The following LOC128125822 variants were observed in gnomAD, a reference collection of about 807,000 sequenced individuals.
the LOC128125822 span, among the ~76,000 whole-genome samples, chr6:63,575,792 C>T: frequency 1.3e-5 from 2 of 151,958 alleles, no homozygotes; most frequent in Middle Eastern, 3.2e-3. Context: ...TCATTTTCCT[C>T]GTCTTCAGTT....
the LOC128125822 span, chr6:63,579,178 G>C: frequency 6.8e-7 from 1 of 1,461,566 alleles, no homozygotes; most frequent in Non-Finnish European, 9.4e-7. Context: ...ATACTTCTGA[G>C]TTGGGGAATG....
chr6:63,578,661 G>A, the LOC128125822 span: 2 of 1,321,720 alleles, frequency 1.5e-6, no homozygotes, highest in African/African-American at 3.1e-5. Context: ...TTATATTATT[G>A]TGCAGAATCT....
chr6:63,573,945 C>T, the LOC128125822 span, among the ~76,000 whole-genome samples: 3 of 152,124 alleles, frequency 2.0e-5, no homozygotes, highest in Non-Finnish European at 4.4e-5. Context: ...TTGTTGCCTC[C>T]TGTTGGTTTG....
At chr6:63,573,022 G>T in the LOC128125822 span, among the ~76,000 whole-genome samples, 77 of 152,010 alleles carry the variant, frequency 5.1e-4, no homozygotes, top group African/African-American at 1.7e-3. Context: ...CTTCTGCGGC[G>T]GCCGGGGGCA....
chr6:63,572,548 C>A, the LOC128125822 span: 1 of 397,994 alleles, frequency 2.5e-6, no homozygotes. Context: ...CCGAGCCGCT[C>A]ACTGCATGGT....
At chr6:63,578,262 A>T in the LOC128125822 span, among the ~76,000 whole-genome samples, 4 of 152,220 alleles carry the variant, frequency 2.6e-5, no homozygotes, top group Non-Finnish European at 4.4e-5. Context: ...ATATTCTAGC[A>T]TTGTCACTTA....
the LOC128125822 span, chr6:63,579,948 T>A: frequency 1.3e-6 from 1 of 767,802 alleles, no homozygotes; most frequent in Non-Finnish European, 2.2e-6. Flanking sequence ...ACAGCCTAAT[T>A]AATCAAAAGA....
At chr6:63,580,240 G>A in the LOC128125822 span, 1 of 1,281,488 alleles carries the variant, frequency 7.8e-7, no homozygotes. Flanking sequence ...ATACATATTA[G>A]CCAACATGTT....
chr6:63,577,224 A>ACC, the LOC128125822 span, among the ~76,000 whole-genome samples: 30 of 152,362 alleles, frequency 2.0e-4, no homozygotes, highest in African/African-American at 7.0e-4. Flanking sequence ...TGTGGACAGT[A>ACC]AAACAGTATA....
chr6:63,579,171 C>T, the LOC128125822 span: 2 of 1,437,444 alleles, frequency 1.4e-6, no homozygotes, highest in Non-Finnish European at 1.9e-6. Context: ...GTAGATAATA[C>T]TTCTGAGTTG....
At chr6:63,581,916 C>T in the LOC128125822 span, 2 of 152,228 alleles carry the variant, frequency 1.3e-5, no homozygotes, top group African/African-American at 2.4e-5. Flanking sequence ...CCTTTGATCA[C>T]GTTAATCTAA....
chr6:63,579,466 T>A, the LOC128125822 span: 1 of 584,244 alleles, frequency 1.7e-6, no homozygotes, highest in Non-Finnish European at 2.7e-6. Flanking sequence ...GAAATCAAGA[T>A]CTTACATTCT....
the LOC128125822 span, chr6:63,582,016 G>A: frequency 6.6e-6 from 1 of 152,078 alleles, no homozygotes; most frequent in Non-Finnish European, 1.5e-5. Flanking sequence ...TCCACCTTGT[G>A]TTTCAAAGAA....
chr6:63,578,156 C>A, the LOC128125822 span, among the ~76,000 whole-genome samples: 1 of 152,074 alleles, frequency 6.6e-6, no homozygotes, highest in African/African-American at 2.4e-5. Context: ...TAAACAACTT[C>A]AGTGTATGAA....
chr6:63,572,484 C>T, the LOC128125822 span: 3 of 389,374 alleles, frequency 7.7e-6, no homozygotes, highest in African/African-American at 4.2e-5. Context: ...AAGGGCGCCT[C>T]GGCGCGTGTA....
At chr6:63,578,652 TATA>T in the LOC128125822 span, 1 of 1,342,220 alleles carries the variant, frequency 7.5e-7, no homozygotes, top group Non-Finnish European at 9.9e-7. Flanking sequence ...AAACAAATAT[TATA>T]TTATTGTGCA....
the LOC128125822 span, chr6:63,579,065 C>G: frequency 1.3e-6 from 2 of 1,530,428 alleles, no homozygotes; most frequent in Non-Finnish European, 1.7e-6. Flanking sequence ...AGGTAAAAAT[C>G]TATTGATAAT....
chr6:63,575,712 T>C, the LOC128125822 span, among the ~76,000 whole-genome samples: 14 of 152,088 alleles, frequency 9.2e-5, no homozygotes, highest in Admixed American at 5.9e-4. Flanking sequence ...TAAATGAGAG[T>C]TGTTTCCTTT....
At chr6:63,578,768 G>A in the LOC128125822 span, 3 of 1,128,672 alleles carry the variant, frequency 2.7e-6, no homozygotes, top group Non-Finnish European at 3.6e-6. Context: ...TAGACAACAG[G>A]GTTTAATAAG....
Sources: allele counts gnomAD v4.1 joint callset (sites outside exome capture counted in the v4.1 genomes callset), GRCh38; gene constraint gnomAD v4.1.1; transcripts MANE v1.5.